The following SUPT3H variants were observed in gnomAD, a reference collection of about 807,000 sequenced individuals.
SUPT3H encodes the protein transcription initiation protein SPT3 homolog.
In SUPT3H, 44 loss-of-function variants were observed where a neutral mutation model predicts 44.3. That is an observed-to-expected ratio of 0.99 (90% CI 0.78 to 1.28). SUPT3H has a LOEUF of 1.28. Ranked by LOEUF, SUPT3H falls within the 50% of genes most tolerant of loss-of-function variation. The probability of loss-of-function intolerance (pLI) is 0.00; values close to 1 mark genes in which losing one functional copy is unlikely to be tolerated. For synonymous variants in SUPT3H, 124 were observed against 125.6 expected (o/e 0.99, Z 0.09); for missense variants, 380 against 387.1 (o/e 0.98, Z 0.15).
At chr6:45,179,526 C>T (rs1161624076) in intron 2 of SUPT3H, among the ~76,000 whole-genome samples, 2 of 152,108 alleles carry the variant, frequency 1.3e-5, no homozygotes, top group African/African-American at 4.8e-5. Flanking sequence ...AAAACTTATC[C>T]ACCATGATCA....
intron 6 of SUPT3H, among the ~76,000 whole-genome samples, chr6:44,975,914 G>C (rs1778267311): frequency 6.6e-6 from 1 of 152,098 alleles, no homozygotes; most frequent in Non-Finnish European, 1.5e-5. Context: ...CCACCAGTGT[G>C]GGAAAAATTC....
chr6:44,948,745 G>A (rs1773765662), intron 9 of SUPT3H, among the ~76,000 whole-genome samples: 1 of 151,930 alleles, frequency 6.6e-6, no homozygotes, highest in Non-Finnish European at 1.5e-5. Context: ...GAAACAACAG[G>A]TGCTGGAGAG....
At chr6:45,317,569 T>A (rs995065409) in intron 2 of SUPT3H, among the ~76,000 whole-genome samples, 32 of 152,086 alleles carry the variant, frequency 2.1e-4, no homozygotes, top group African/African-American at 7.7e-4. Flanking sequence ...TCAATAAAGA[T>A]GCCAAGAACA....
intron 2 of SUPT3H, among the ~76,000 whole-genome samples, chr6:45,282,674 C>T (rs1778377108): frequency 6.6e-6 from 1 of 152,132 alleles, no homozygotes; most frequent in Non-Finnish European, 1.5e-5. Flanking sequence ...GGATATTATC[C>T]AGAAGAACTT....
intron 2 of SUPT3H, among the ~76,000 whole-genome samples, chr6:45,285,359 A>C (rs1211863527): frequency 5.3e-5 from 8 of 152,358 alleles, no homozygotes; most frequent in Non-Finnish European, 8.8e-5. Flanking sequence ...GTCTCAGCCC[A>C]AAATCTCCTT....
At position 45,186,829 on chromosome 6, in the gene SUPT3H, A is replaced by C. The variant is rs143572799; in HGVS notation, c.102-80823T>G. On this transcript the variant is annotated intron_variant, in intron 2 of 10. Transcript: ENST00000371459. ...CTTCCTATACTCAGAGGAAAGGAACATCCTGATTTCTGATGATTTAGGGTC... is the reference window on the plus strand; with the variant it reads ...CTTCCTATACTCAGAGGAAAGGAACCTCCTGATTTCTGATGATTTAGGGTC... Among the ~76,000 whole-genome samples, 3 of 152,308 alleles carry C rather than the reference A, an allele frequency of 2.0e-5. No homozygotes were observed. The East Asian group carries it at 5.8e-4, about 29-fold the overall frequency.
intron 2 of SUPT3H, among the ~76,000 whole-genome samples, chr6:45,360,670 TGGTC>T (rs997278109): frequency 2.6e-5 from 4 of 152,150 alleles, no homozygotes; most frequent in African/African-American, 9.7e-5. Flanking sequence ...AATGAATAAA[TGGTC>T]ATTGCTATTT....
In SUPT3H at chr6:45,134,831, C is replaced by T. The variant is rs532241185; in HGVS notation, c.102-28825G>A. On this transcript the variant is annotated intron_variant, in intron 2 of 10. Transcript: ENST00000371459. ...TAAGAAGCCTTCACTAGGAATTACC[C>T]TATGGGGACTATCATCAGTGGCCTT... Among the ~76,000 whole-genome samples, 74 of 152,298 alleles carry T rather than the reference C, an allele frequency of 4.9e-4. No individual in the cohort carries two copies. The South Asian group carries it at 0.014, about 29-fold the overall frequency.
chr6:45,168,517 G>C (rs1359233196), intron 2 of SUPT3H, among the ~76,000 whole-genome samples: 2 of 152,130 alleles, frequency 1.3e-5, no homozygotes, highest in Non-Finnish European at 2.9e-5. Context: ...TATGTCACAG[G>C]TACATCCTTA....
intron 2 of SUPT3H, chr6:45,328,642 G>C (rs147660809): frequency 6.2e-7 from 1 of 1,610,238 alleles, no homozygotes; most frequent in Non-Finnish European, 8.5e-7. Context: ...CAAGGTTTGG[G>C]TATGGTTTGT....
At chr6:44,847,333 C>A (rs970488942) in intron 10 of SUPT3H, among the ~76,000 whole-genome samples, 1 of 152,168 alleles carries the variant, frequency 6.6e-6, no homozygotes, top group Admixed American at 6.5e-5. Context: ...CACAGATTAG[C>A]TGTTACTTAA....
At chr6:45,316,152 A>G (rs1396005255) in intron 2 of SUPT3H, among the ~76,000 whole-genome samples, 1 of 152,136 alleles carries the variant, frequency 6.6e-6, no homozygotes, top group Non-Finnish European at 1.5e-5. Flanking sequence ...ACAATGATAC[A>G]ATGGACTTTG....
chr6:45,100,230 T>C (rs999871540), intron 3 of SUPT3H, among the ~76,000 whole-genome samples: 1 of 151,772 alleles, frequency 6.6e-6, no homozygotes, highest in African/African-American at 2.4e-5. Context: ...AAACCAAAAA[T>C]AGACAAATGG....
chr6:44,867,463 A>AATGCTTTAAAT (rs1257101321), intron 10 of SUPT3H, among the ~76,000 whole-genome samples: 2 of 152,194 alleles, frequency 1.3e-5, no homozygotes, highest in Admixed American at 1.3e-4. Flanking sequence ...TTCAATTCAG[A>AATGCTTTAAAT]ATGCTTTAAA....
At chr6:44,819,362 T>C (rs1160325856) in intron 11 of SUPT3H, among the ~76,000 whole-genome samples, 2 of 151,930 alleles carry the variant, frequency 1.3e-5, no homozygotes, top group Non-Finnish European at 2.9e-5. Flanking sequence ...GAAAAAACTG[T>C]TTTGGGTTCT....
chr6:45,079,424 G>A (rs558143603), intron 3 of SUPT3H, among the ~76,000 whole-genome samples: 2 of 92,214 alleles, frequency 2.2e-5, no homozygotes, highest in East Asian at 4.1e-4. Context: ...GGAAGAAGAA[G>A]GGGGAAGAGG....
At chr6:45,114,684 C>A (rs1408067661) in intron 2 of SUPT3H, among the ~76,000 whole-genome samples, 3 of 152,152 alleles carry the variant, frequency 2.0e-5, no homozygotes, top group African/African-American at 7.2e-5. Context: ...ATATATCCTA[C>A]ATTTCTAAGA....
At chr6:44,879,413 G>T (rs1240064624) in intron 10 of SUPT3H, among the ~76,000 whole-genome samples, 1 of 152,194 alleles carries the variant, frequency 6.6e-6, no homozygotes, top group Non-Finnish European at 1.5e-5. Flanking sequence ...TGAAAGAAAG[G>T]CAGCAGCCCC....
chr6:44,946,700 A>G (rs1773404528), intron 9 of SUPT3H, among the ~76,000 whole-genome samples: 1 of 152,320 alleles, frequency 6.6e-6, no homozygotes, highest in African/African-American at 2.4e-5. Context: ...GTTTCTTGAG[A>G]AGATGTCTAT....
Sources: allele counts gnomAD v4.1 joint callset (sites outside exome capture counted in the v4.1 genomes callset), GRCh38; gene constraint gnomAD v4.1.1; transcripts MANE v1.5; gene names NCBI Gene and HGNC (gene_info 2026-07-23, HGNC 2026-07-21).